Variants in NRXN1 observed in about 807,000 individuals in gnomAD.
NRXN1 encodes neurexin-1.
Under a neutral mutation model 150.9 loss-of-function variants are expected in NRXN1, and 39 were observed. That is an observed-to-expected ratio of 0.26 (90% CI 0.20 to 0.34). NRXN1 has a LOEUF of 0.34. Ranked by LOEUF, NRXN1 falls within the 10% of genes least tolerant of loss-of-function variation. NRXN1 has a pLI of 1.00. For synonymous variants in NRXN1, 924 were observed against 757.0 expected (o/e 1.22, Z -3.62); for missense variants, 1,815 against 1,949.9 (o/e 0.93, Z 1.30).
At chr2:50,449,772 C>T (rs2086789507) in intron 17 of NRXN1, among the ~76,000 whole-genome samples, 1 of 152,116 alleles carries the variant, frequency 6.6e-6, no homozygotes, top group Non-Finnish European at 1.5e-5. Context: ...TGTATGAGCT[C>T]CTTGAAAGCA....
chr2:50,708,032 G>A (rs551944815), intron 5 of NRXN1, among the ~76,000 whole-genome samples: 62 of 152,288 alleles, frequency 4.1e-4, no homozygotes, highest in Non-Finnish European at 6.9e-4. Context: ...TTATATAGAA[G>A]TAACCTACTA....
At chr2:50,033,772 C>T (rs1689550964) in intron 21 of NRXN1, among the ~76,000 whole-genome samples, 1 of 151,708 alleles carries the variant, frequency 6.6e-6, no homozygotes, top group Non-Finnish European at 1.5e-5. Context: ...AATTTAAACA[C>T]ATTTACACAC....
chr2:50,036,562 T>C (rs947965654), intron 21 of NRXN1, among the ~76,000 whole-genome samples: 1 of 152,220 alleles, frequency 6.6e-6, no homozygotes, highest in African/African-American at 2.4e-5. Flanking sequence ...TTTTTAGCTA[T>C]TAAATTTTAT....
At chr2:50,895,809 A>T (rs1681854457) in intron 5 of NRXN1, among the ~76,000 whole-genome samples, 2 of 152,054 alleles carry the variant, frequency 1.3e-5, no homozygotes, top group East Asian at 3.9e-4. Flanking sequence ...CAAACTCCTG[A>T]TCTCAAGTAA....
intron 21 of NRXN1, among the ~76,000 whole-genome samples, chr2:49,979,975 T>C (rs1462925829): frequency 6.6e-6 from 1 of 151,764 alleles, no homozygotes; most frequent in Admixed American, 6.6e-5. Context: ...TCTAGGTATA[T>C]ATGCTTTGTA....
chr2:50,373,889 G>A (rs1256259924), intron 17 of NRXN1, among the ~76,000 whole-genome samples: 2 of 151,898 alleles, frequency 1.3e-5, no homozygotes, highest in South Asian at 2.1e-4. Flanking sequence ...TATTTTAAAC[G>A]TTATCATTAA....
intron 2 of NRXN1, among the ~76,000 whole-genome samples, chr2:50,956,024 C>A (rs935154266): frequency 6.6e-6 from 1 of 152,038 alleles, no homozygotes; most frequent in South Asian, 2.1e-4. Flanking sequence ...AAACTCAGAT[C>A]CTCTTGAGGT....
intron 15 of NRXN1, among the ~76,000 whole-genome samples, chr2:50,492,957 A>G (rs937832287): frequency 1.3e-5 from 2 of 152,158 alleles, no homozygotes; most frequent in East Asian, 3.9e-4. Flanking sequence ...CTCTCAAATG[A>G]TTACTGCCTT....
At chr2:50,455,874 C>A (rs1417938210) in intron 17 of NRXN1, among the ~76,000 whole-genome samples, 1 of 152,168 alleles carries the variant, frequency 6.6e-6, no homozygotes, top group African/African-American at 2.4e-5. Context: ...AGAAGCTTTG[C>A]AAGCAAATTC....
chr2:50,303,085 T>A (rs1467775098), intron 17 of NRXN1, among the ~76,000 whole-genome samples: 1 of 152,176 alleles, frequency 6.6e-6, no homozygotes, highest in Non-Finnish European at 1.5e-5. Flanking sequence ...TCAAAAATTC[T>A]GGAAATGTGT....
At chr2:50,660,862 C>T (rs1687196920) in intron 5 of NRXN1, among the ~76,000 whole-genome samples, 2 of 152,140 alleles carry the variant, frequency 1.3e-5, no homozygotes, top group African/African-American at 4.8e-5. Flanking sequence ...GCACTGATCT[C>T]AGATTTGGAT....
chr2:50,143,254 T>A (rs1314737188), intron 18 of NRXN1, among the ~76,000 whole-genome samples: 1 of 151,750 alleles, frequency 6.6e-6, no homozygotes, highest in Non-Finnish European at 1.5e-5. Flanking sequence ...CATATACAAA[T>A]ATGCAAAGGG....
intron 22 of NRXN1, among the ~76,000 whole-genome samples, chr2:49,930,226 A>C (rs1669880063): frequency 6.6e-6 from 1 of 152,248 alleles, no homozygotes; most frequent in South Asian, 2.1e-4. Flanking sequence ...TAGACTATGG[A>C]ATAAAGTCAT....
intron 5 of NRXN1, among the ~76,000 whole-genome samples, chr2:50,686,337 A>G (rs1364485156): frequency 6.6e-6 from 1 of 152,142 alleles, no homozygotes; most frequent in Non-Finnish European, 1.5e-5. Context: ...AAAACAGTTG[A>G]CGTTGCAACC....
intron 17 of NRXN1, among the ~76,000 whole-genome samples, chr2:50,391,071 T>A (rs1019550267): frequency 6.6e-6 from 1 of 152,068 alleles, no homozygotes; most frequent in South Asian, 2.1e-4. Context: ...ACTTCCAGAA[T>A]AACTTTCAAG....
intron 5 of NRXN1, among the ~76,000 whole-genome samples, chr2:50,664,440 G>GTGTGTGTGT (rs1355580575): frequency 5.1e-5 from 6 of 118,390 alleles, no homozygotes; most frequent in African/African-American, 1.8e-4. Context: ...TGTGTGTGTG[G>GTGTGTGTGT]CGTGGCGGGG....
chr2:50,740,361 G>A (rs764678924), intron 5 of NRXN1, among the ~76,000 whole-genome samples: 22 of 152,150 alleles, frequency 1.4e-4, no homozygotes, highest in Admixed American at 3.9e-4. Flanking sequence ...TTTATCTAAG[G>A]ATGCAGTTAT....
intron 18 of NRXN1, among the ~76,000 whole-genome samples, chr2:50,235,009 C>A (rs1026511204): frequency 6.6e-6 from 1 of 152,032 alleles, no homozygotes; most frequent in African/African-American, 2.4e-5. Context: ...ATAAAATAAA[C>A]AACAGTGGTT....
chr2:50,304,018 A>G lies in NRXN1; in HGVS notation c.3365-67048T>C, dbSNP rs985245511. On this transcript the variant is annotated intron_variant, in intron 17 of 22. Transcript: ENST00000401669. ...TAGCATTTTATAGATCATAATGGTA[A>G]TGTAAACATTCATAACTTACCCCAA... Among the ~76,000 whole-genome samples the G allele has an allele frequency of 1.2e-4, 19 of 152,196 alleles. 1 individual carries two copies. The highest frequency in any genetic ancestry group is 1.9e-4 in the Non-Finnish European group (13 of 68,026).
Sources: gnomAD v4.1 joint callset for allele counts (sites outside exome capture counted in the v4.1 genomes callset) on GRCh38, gnomAD v4.1.1 for gene constraint, MANE v1.5 for transcripts, NCBI Gene and HGNC (gene_info 2026-07-23, HGNC 2026-07-21) for gene names.